The following UGP2 variants were observed in gnomAD, a reference collection of about 807,000 sequenced individuals.
UGP2 encodes the protein UDP-glucose pyrophosphorylase 2, also known as UTP--glucose-1-phosphate uridylyltransferase.
In UGP2, 40 loss-of-function variants were observed where a neutral mutation model predicts 49.0. The ratio of observed to expected loss-of-function variants is 0.82; its 90% CI spans 0.63 to 1.06. The LOEUF (loss-of-function observed/expected upper bound fraction) is 1.06. Ranked by LOEUF, UGP2 falls within the 50% of genes least tolerant of loss-of-function variation. The probability of loss-of-function intolerance (pLI) is 0.00; values close to 1 mark genes in which losing one functional copy is unlikely to be tolerated. For synonymous variants in UGP2, 225 were observed against 213.0 expected, an observed-to-expected ratio of 1.06 and a Z score of -0.49; for missense variants, 460 against 603.5, an observed-to-expected ratio of 0.76 and a Z score of 2.49.
chr2:63,842,509 C>A (rs776240806), intron 1 of UGP2: 2 of 1,535,296 alleles, frequency 1.3e-6, no homozygotes, highest in African/African-American at 1.4e-5. Context: ...GCTAATTAAT[C>A]CTTGTTCTCT....
intron 3 of UGP2, among the ~76,000 whole-genome samples, chr2:63,869,782 A>G (rs1670425232): frequency 6.6e-6 from 1 of 152,150 alleles, no homozygotes; most frequent in South Asian, 2.1e-4. Flanking sequence ...AGCTCTTTGA[A>G]AAGACCTCTT....
At chr2:63,862,879 A>C (rs185650152) in intron 3 of UGP2, 113 of 456,386 alleles carry the variant, frequency 2.5e-4, no homozygotes, top group African/African-American at 2.0e-3. Flanking sequence ...TGATTTTAGT[A>C]AAGAGTCCTT....
Position 63,890,089 on chromosome 2 carries a change from TTATC to T in UGP2, c.1326_1329del (p.Tyr442Ter), listed in dbSNP as rs1394734814. ...TTCTCCTTTTCTGTAAGGTTCAAGA[TTATC>T]TAAGAAGATTTGAAAGTATACCAGA... is the stretch of plus-strand genomic sequence containing the variant. On this transcript the variant is annotated frameshift_variant, in exon 9 of 10. Transcript: ENST00000337130. LOFTEE classifies it high-confidence loss of function. The T allele has an allele frequency of 1.9e-6, 3 of 1,608,124 alleles. No homozygotes were observed. The highest frequency in any genetic ancestry group is 2.2e-5 in the East Asian group (1 of 44,750).
intron 3 of UGP2, among the ~76,000 whole-genome samples, chr2:63,881,021 A>G (rs181462899): frequency 1.3e-5 from 2 of 152,220 alleles, no homozygotes; most frequent in African/African-American, 2.4e-5. Flanking sequence ...TGAGGAAAGA[A>G]TTGATCATTA....
intron 4 of UGP2, chr2:63,883,379 T>G (rs1671441421): frequency 6.6e-6 from 1 of 152,198 alleles, no homozygotes; most frequent in African/African-American, 2.4e-5. Context: ...GAATTAAAAT[T>G]TTAACATAGG....
chr2:63,887,630 A>G lies in UGP2; in HGVS notation c.1300A>G (p.Ser434Gly). The change falls in exon 8 of 10, where the codon AGT becomes GGT. Residue 434 changes from serine to glycine, a missense_variant. Ser to Gly is a moderately conservative substitution (Grantham distance 56, BLOSUM62 0). Transcript: ENST00000337130. ...TACAGTGCCCTTGGTTAAATTAGGC[A>G]GTTCTTTTACGAAGGTACGTAACTA... ...FPTVPLVKLG[S>G]SFTKVQDYLR... 1 of 1,614,108 alleles carries G rather than the reference A, an allele frequency of 6.2e-7. No homozygotes were observed.
At chr2:63,881,315 C>T (rs1246166657) in intron 3 of UGP2, among the ~76,000 whole-genome samples, 1 of 151,480 alleles carries the variant, frequency 6.6e-6, no homozygotes, top group Non-Finnish European at 1.5e-5. Context: ...GAGTGTGAGC[C>T]TGTCAAGTTC....
At chr2:63,868,179 G>A (rs1670302451) in intron 3 of UGP2, among the ~76,000 whole-genome samples, 3 of 152,150 alleles carry the variant, frequency 2.0e-5, no homozygotes, top group East Asian at 1.9e-4. Flanking sequence ...TTAAGTACCC[G>A]TTTTCATATT....
chr2:63,862,505 A>G (rs1575821063), intron 3 of UGP2, among the ~76,000 whole-genome samples: 1 of 152,186 alleles, frequency 6.6e-6, no homozygotes, highest in African/African-American at 2.4e-5. Context: ...CAACAAGCCC[A>G]TGATTATTAA....
rs558642046 is a variant in UGP2, at chr2:63,860,476, C to T, written c.255+2540C>T. On this transcript the variant is annotated intron_variant, in intron 3 of 9. Coordinates refer to ENST00000337130, the MANE Select transcript of UGP2 (RefSeq NM_006759.4). ...TATTATCTAGCCTATTTACTGACCCCATTTTAGTGTATGTATTTTCAGAAC... is the reference window on the plus strand; with the variant it reads ...TATTATCTAGCCTATTTACTGACCCTATTTTAGTGTATGTATTTTCAGAAC... 1.5e-3 allele frequency among the ~76,000 whole-genome samples: 226 copies of T among 152,326 alleles called. 1 individual carries two copies. The highest frequency in any genetic ancestry group is 5.1e-3 in the African/African-American group (210 of 41,580).
Position 63,882,534 on chromosome 2 carries a change from AGTG to A in UGP2, c.331_333del (p.Val111del). The A allele has an allele frequency of 6.2e-7, 1 of 1,613,348 alleles. No homozygotes were observed. Among genetic ancestry groups the A allele is most frequent in the Non-Finnish European group, 8.5e-7 (1 of 1,179,414 alleles). On this transcript the variant is annotated inframe_deletion, in exon 4 of 10. Transcript: ENST00000337130. ...ATATATCTTCCGTGTTGAACAAACT[AGTG>A]GTGGTGAAACTCAATGGTGGTTTGG...
chr2:63,857,401 T>C (rs1465202403), intron 2 of UGP2: 1 of 273,070 alleles, frequency 3.7e-6, no homozygotes, highest in African/African-American at 2.3e-5. Context: ...TCTCACTCTG[T>C]CACCCAGGCT....
At chr2:63,891,036 A>AAT in intron 9 of UGP2, 84 bp from the exon 10 acceptor site, 1 of 1,124,646 alleles carries the variant, frequency 8.9e-7, no homozygotes, top group Non-Finnish European at 1.2e-6. Context: ...AAAAAAAAAA[A>AAT]GTTGTACATA....
chr2:63,885,678 G>C lies in UGP2; in HGVS notation c.665G>C (p.Gly222Ala). Residue 222 changes from glycine to alanine, a missense_variant, in exon 6 of 10, where the codon GGT (glycine) becomes GCT (alanine). Coordinates refer to ENST00000337130, the MANE Select transcript of UGP2 (RefSeq NM_006759.4). ...AATACAGAAGCTTGGTACCCTCCAG[G>C]TCATGGTGATATTTACGCCAGTTTC... ...GENTEAWYPP[G>A]HGDIYASFYN... is the part of the protein sequence containing the mutation. The C allele has an allele frequency of 6.2e-7, 1 of 1,613,752 alleles. No homozygotes were observed. The highest frequency in any genetic ancestry group is 8.5e-7 in the Non-Finnish European group (1 of 1,179,894).
At chr2:63,857,721 A>G in intron 2 of UGP2, 108 bp from the exon 3 acceptor site, 1 of 1,171,964 alleles carries the variant, frequency 8.5e-7, no homozygotes, top group African/African-American at 1.5e-5. Context: ...CTAATGGTGT[A>G]AGAATTTCAT....
intron 5 of UGP2, among the ~76,000 whole-genome samples, chr2:63,885,316 T>TA (rs972335286): frequency 6.6e-6 from 1 of 152,170 alleles, no homozygotes; most frequent in Non-Finnish European, 1.5e-5. Context: ...TGGAGAGTCA[T>TA]AAAACATGAA....
At chr2:63,855,463 C>T (rs1212429553) in intron 1 of UGP2, 1 of 458,366 alleles carries the variant, frequency 2.2e-6, no homozygotes, top group Admixed American at 2.4e-5. Context: ...AAGTATAAAA[C>T]AGCCTGTGTT....
At chr2:63,868,976 A>G (rs575041322) in intron 3 of UGP2, among the ~76,000 whole-genome samples, 2 of 152,118 alleles carry the variant, frequency 1.3e-5, no homozygotes, top group African/African-American at 4.8e-5. Context: ...AAAAAAAAAA[A>G]AAGAAAGTAT....
chr2:63,865,532 A>ATTTTT (rs11418488), intron 3 of UGP2, among the ~76,000 whole-genome samples: 1 of 128,224 alleles, frequency 7.8e-6, no homozygotes, highest in African/African-American at 3.0e-5. Flanking sequence ...GCTTGGGTCT[A>ATTTTT]TTTTTTTTTT....
Sources: gnomAD v4.1 joint callset for allele counts (sites outside exome capture counted in the v4.1 genomes callset) on GRCh38, gnomAD v4.1.1 for gene constraint, MANE v1.5 for transcripts, NCBI Gene and HGNC (gene_info 2026-07-23, HGNC 2026-07-21) for gene names.